Variants in SDCCAG8 observed in about 807,000 individuals in gnomAD.
SDCCAG8 encodes the protein SHH signaling and ciliogenesis regulator SDCCAG8, also known as serologically defined colon cancer antigen 8.
In SDCCAG8, 74 loss-of-function variants were observed where a neutral mutation model predicts 101.8. The ratio of observed to expected loss-of-function variants is 0.73; its 90% confidence interval spans 0.60 to 0.88. The LOEUF is 0.88. Among genes scored for constraint, SDCCAG8 ranks in the 40% least tolerant of loss-of-function variants. The pLI is 0.00. For missense variants in SDCCAG8, 787 were observed against 822.6 expected, an observed-to-expected ratio of 0.96 and a Z score of 0.53; for synonymous variants, 281 against 292.9, an observed-to-expected ratio of 0.96 and a Z score of 0.41.
chr1:243,407,498 G>C (rs1384928632), intron 13 of SDCCAG8, among the ~76,000 whole-genome samples: 1 of 152,118 alleles, frequency 6.6e-6, no homozygotes, highest in Admixed American at 6.6e-5. Flanking sequence ...TAGAGTCTGT[G>C]GTTTTGTTTT....
At chr1:243,482,944 G>C (rs927790078) in intron 16 of SDCCAG8, among the ~76,000 whole-genome samples, 31 of 152,198 alleles carry the variant, frequency 2.0e-4, no homozygotes, top group African/African-American at 7.5e-4. Flanking sequence ...GCAGGCTGTG[G>C]GGGGCTTCTT....
At chr1:243,298,964 T>C (rs1422444785) in intron 6 of SDCCAG8, among the ~76,000 whole-genome samples, 1 of 152,232 alleles carries the variant, frequency 6.6e-6, no homozygotes, top group African/African-American at 2.4e-5. Context: ...ATTTGGGATT[T>C]TGATTGAGAT....
chr1:243,357,289 G>C (rs1004660348), intron 12 of SDCCAG8, among the ~76,000 whole-genome samples: 1 of 151,788 alleles, frequency 6.6e-6, no homozygotes, highest in Non-Finnish European at 1.5e-5. Flanking sequence ...TGAGGCAAGA[G>C]AATCGCTTGA....
intron 4 of SDCCAG8, among the ~76,000 whole-genome samples, chr1:243,284,217 A>C (rs182398358): frequency 6.6e-6 from 1 of 152,306 alleles, no homozygotes; most frequent in Non-Finnish European, 1.5e-5. Context: ...AACTGAGGTA[A>C]GTAGGCCTTT....
chr1:243,273,623 A>T (rs1308509356), intron 3 of SDCCAG8, among the ~76,000 whole-genome samples: 1 of 152,168 alleles, frequency 6.6e-6, no homozygotes, highest in Non-Finnish European at 1.5e-5. Context: ...ACATTTTGCT[A>T]ATGTATCTTT....
chr1:243,426,318 C>A, intron 15 of SDCCAG8, 109 bp from the exon 16 acceptor site: 1 of 940,630 alleles, frequency 1.1e-6, no homozygotes, highest in Non-Finnish European at 1.7e-6. Flanking sequence ...TTTCATTATG[C>A]TATCATGTTT....
At chr1:243,402,745 C>A (rs2079494227) in intron 13 of SDCCAG8, among the ~76,000 whole-genome samples, 1 of 152,134 alleles carries the variant, frequency 6.6e-6, no homozygotes, top group Non-Finnish European at 1.5e-5. Context: ...TGAGCTTAAA[C>A]CCTGAATTGT....
intron 17 of SDCCAG8, 109 bp from the exon 18 acceptor site, chr1:243,499,647 T>C (rs1439978619): frequency 1.6e-5 from 14 of 899,908 alleles, no homozygotes; most frequent in South Asian, 2.8e-5. Flanking sequence ...CAGGTTTTTT[T>C]CTCCAACAAC....
At chr1:243,399,219 A>G (rs1573815565) in intron 13 of SDCCAG8, among the ~76,000 whole-genome samples, 2 of 152,188 alleles carry the variant, frequency 1.3e-5, no homozygotes, top group African/African-American at 4.8e-5. Context: ...ACGGTGGTTG[A>G]GTGACAGCAA....
intron 15 of SDCCAG8, among the ~76,000 whole-genome samples, chr1:243,423,266 G>C (rs900772755): frequency 6.6e-6 from 1 of 152,038 alleles, no homozygotes; most frequent in African/African-American, 2.4e-5. Context: ...AGGGAATTTG[G>C]AAAATACAAA....
chr1:243,448,655 T>C (rs1433779728), intron 16 of SDCCAG8, among the ~76,000 whole-genome samples: 1 of 152,194 alleles, frequency 6.6e-6, no homozygotes, highest in Non-Finnish European at 1.5e-5. Context: ...AATGCCACTC[T>C]CTGTGTTACT....
chr1:243,439,153 A>C (rs2082353424), intron 16 of SDCCAG8, among the ~76,000 whole-genome samples: 1 of 151,856 alleles, frequency 6.6e-6, no homozygotes, highest in African/African-American at 2.4e-5. Flanking sequence ...TTTTATTTTT[A>C]TTTTATTTTT....
At chr1:243,413,622 T>C (rs1418203116) in intron 13 of SDCCAG8, among the ~76,000 whole-genome samples, 1 of 152,196 alleles carries the variant, frequency 6.6e-6, no homozygotes, top group Non-Finnish European at 1.5e-5. Context: ...GTAGTTTCAG[T>C]TGTGACTGTT....
chr1:243,331,227 G>C (rs1363917603), intron 10 of SDCCAG8, among the ~76,000 whole-genome samples: 1 of 152,208 alleles, frequency 6.6e-6, no homozygotes, highest in Non-Finnish European at 1.5e-5. Flanking sequence ...AAAAGGAACA[G>C]ATAACATGAA....
intron 12 of SDCCAG8, among the ~76,000 whole-genome samples, chr1:243,370,690 C>CT: frequency 6.6e-6 from 1 of 152,184 alleles, no homozygotes; most frequent in African/African-American, 2.4e-5. Flanking sequence ...TCCATTTCAT[C>CT]TGTTTTGAAC....
rs920760877 is a variant in SDCCAG8 at position 243,476,060 on chromosome 1, T to C, written c.1986-12954T>C. On this transcript the variant is annotated intron_variant, in intron 16 of 17. Transcript: ENST00000366541. ...TAGCTGGAAGAGTTATGCCATCATA[T>C]TATCCCAACACTCATCAGTGTGTGG... 13 of 985,316 alleles carry C rather than the reference T, an allele frequency of 1.3e-5. No individual in the cohort carries two copies. In the South Asian group the frequency reaches 4.2e-4, roughly 32 times the overall value. The allele number at this position is 985,316 out of a possible 1,614,324, so 61.0% of individuals were successfully genotyped here.
intron 13 of SDCCAG8, among the ~76,000 whole-genome samples, chr1:243,381,924 G>C (rs185413083): frequency 6.6e-6 from 1 of 152,302 alleles, no homozygotes; most frequent in East Asian, 1.9e-4. Flanking sequence ...CTGATATCAG[G>C]GAAAGCTGAC....
chr1:243,382,456 G>T (rs901582220), intron 13 of SDCCAG8, among the ~76,000 whole-genome samples: 4 of 152,174 alleles, frequency 2.6e-5, no homozygotes, highest in African/African-American at 7.2e-5. Flanking sequence ...GACACATAAA[G>T]ATTATACATC....
chr1:243,429,651 T>G (rs2081579054), intron 16 of SDCCAG8, among the ~76,000 whole-genome samples: 1 of 150,686 alleles, frequency 6.6e-6, no homozygotes, highest in South Asian at 2.1e-4. Context: ...TCCTCAGCCT[T>G]CCAAGCAGGT....
Sources: allele counts gnomAD v4.1 joint callset (sites outside exome capture counted in the v4.1 genomes callset), GRCh38; gene constraint gnomAD v4.1.1; transcripts MANE v1.5; gene names NCBI Gene and HGNC (gene_info 2026-07-23, HGNC 2026-07-21).